Variants in ANKRD44 observed in about 807,000 individuals in gnomAD.
ANKRD44 encodes serine/threonine-protein phosphatase 6 regulatory ankyrin repeat subunit B.
Under a neutral mutation model 116.0 loss-of-function variants are expected in ANKRD44, and 35 were observed. The ratio of observed to expected loss-of-function variants is 0.30; its 90% CI spans 0.23 to 0.40. The LOEUF is 0.40. Among genes scored for constraint, ANKRD44 ranks in the 10% least tolerant of loss-of-function variants. The probability of loss-of-function intolerance (pLI) is 1.00; values close to 1 mark genes in which losing one functional copy is unlikely to be tolerated. For synonymous variants in ANKRD44, 435 were observed against 461.8 expected, an observed-to-expected ratio of 0.94 and a Z score of 0.74; for missense variants, 1,014 against 1,242.6, an observed-to-expected ratio of 0.82 and a Z score of 2.77.
intron 21 of ANKRD44, among the ~76,000 whole-genome samples, chr2:196,974,023 C>T (rs1408545295): frequency 6.6e-6 from 1 of 151,778 alleles, no homozygotes; most frequent in Admixed American, 6.6e-5. Flanking sequence ...AAGTAGAAAT[C>T]AGTACGAGAT....
intron 1 of ANKRD44, among the ~76,000 whole-genome samples, chr2:197,302,897 C>A (rs1052341870): frequency 1.3e-5 from 2 of 152,196 alleles, no homozygotes; most frequent in Non-Finnish European, 2.9e-5. Context: ...CCTGGGAGGA[C>A]CCAAGGTATT....
intron 27 of ANKRD44, 119 bp from the exon 28 acceptor site, chr2:196,989,768 CTTTT>C: frequency 1.3e-6 from 2 of 1,492,598 alleles, no homozygotes; most frequent in South Asian, 1.3e-5. Flanking sequence ...TTTTTTGTTC[CTTTT>C]TGCAGTCACA....
intron 1 of ANKRD44, among the ~76,000 whole-genome samples, chr2:197,231,970 G>GTGGA (rs1318161337): frequency 6.6e-6 from 1 of 152,198 alleles, no homozygotes; most frequent in Non-Finnish European, 1.5e-5. Flanking sequence ...TGTCGAATAA[G>GTGGA]TGGATGGATG....
intron 1 of ANKRD44, among the ~76,000 whole-genome samples, chr2:197,206,255 C>A (rs1169605807): frequency 6.6e-6 from 1 of 152,130 alleles, no homozygotes; most frequent in Admixed American, 6.5e-5. Flanking sequence ...ATTACAGAGC[C>A]CTTCTTATGT....
intron 16 of ANKRD44, among the ~76,000 whole-genome samples, chr2:197,056,331 A>G (rs1437872): frequency 0.72 from 109,597 of 152,010 alleles, 40,920 homozygotes; most frequent in East Asian, 0.86. Flanking sequence ...AATGAGTTTC[A>G]GAAGAGTTGT....
rs750544648 is a variant in ANKRD44 at position 197,120,929 on chromosome 2, C to CTT, written c.906+401_906+402dup. Among the ~76,000 whole-genome samples the CTT allele has an allele frequency of 2.5e-4, 35 of 139,946 alleles. 3 individuals are homozygous for CTT. Among genetic ancestry groups the CTT allele is most frequent in the African/African-American group, 3.3e-4 (12 of 36,726 alleles). The allele number at this position is 139,946 out of a possible 152,430, so 91.8% of individuals were successfully genotyped here. On this transcript the variant is annotated intron_variant, in intron 8 of 27. Transcript: ENST00000282272. ...CCACTCCTGAAGAAAAATAACACAA[C>CTT]TTTTTTTTTTTTGTTTTTGAGACGG... is the stretch of plus-strand genomic sequence containing the variant.
At chr2:197,186,926 C>A in intron 2 of ANKRD44, 97 bp downstream of exon 2, 1 of 929,232 alleles carries the variant, frequency 1.1e-6, no homozygotes, top group Non-Finnish European at 1.7e-6. Context: ...CTGGAGCTTT[C>A]ACCAGATATC....
chr2:197,076,707 C>A (rs1183110145), intron 16 of ANKRD44, among the ~76,000 whole-genome samples: 1 of 152,132 alleles, frequency 6.6e-6, no homozygotes, highest in African/African-American at 2.4e-5. Context: ...TCTTTGTGTC[C>A]ATGTGTTCTC....
intron 2 of ANKRD44, among the ~76,000 whole-genome samples, chr2:197,173,732 C>T (rs1047718910): frequency 2.6e-5 from 4 of 151,816 alleles, no homozygotes; most frequent in African/African-American, 9.7e-5. Flanking sequence ...AAATTCATTC[C>T]CTAAAAATAC....
chr2:197,082,243 G>A (rs1184419144), intron 14 of ANKRD44, among the ~76,000 whole-genome samples: 1 of 152,172 alleles, frequency 6.6e-6, no homozygotes, highest in Non-Finnish European at 1.5e-5. Context: ...ATTGCCTGGA[G>A]CTTGGCACAT....
At chr2:197,251,184 C>CT (rs906794734) in intron 1 of ANKRD44, among the ~76,000 whole-genome samples, 3 of 151,992 alleles carry the variant, frequency 2.0e-5, no homozygotes, top group Non-Finnish European at 4.4e-5. Flanking sequence ...TTTTACTATG[C>CT]TTTTTTCCAA....
intron 1 of ANKRD44, among the ~76,000 whole-genome samples, chr2:197,193,046 T>C (rs1285197957): frequency 2.0e-5 from 3 of 152,198 alleles, no homozygotes; most frequent in Admixed American, 6.5e-5. Context: ...AAGTAGCATA[T>C]TTGTTAACTC....
intron 13 of ANKRD44, among the ~76,000 whole-genome samples, chr2:197,083,931 T>C (rs539931998): frequency 6.6e-6 from 1 of 152,284 alleles, no homozygotes; most frequent in South Asian, 2.1e-4. Flanking sequence ...TTCTTTTCCT[T>C]CCTAGAGCCT....
chr2:197,276,076 G>C (rs549081201), intron 1 of ANKRD44, among the ~76,000 whole-genome samples: 1 of 152,084 alleles, frequency 6.6e-6, no homozygotes, highest in East Asian at 1.9e-4. Flanking sequence ...AGGAGTTCGA[G>C]ACCAGCCTGG....
intron 1 of ANKRD44, among the ~76,000 whole-genome samples, chr2:197,190,822 C>A (rs538664476): frequency 6.6e-6 from 1 of 152,302 alleles, no homozygotes; most frequent in African/African-American, 2.4e-5. Flanking sequence ...GGCTTAGAAG[C>A]AAAGTCCTAC....
At chr2:197,224,786 A>G (rs1054101799) in intron 1 of ANKRD44, among the ~76,000 whole-genome samples, 1 of 152,210 alleles carries the variant, frequency 6.6e-6, no homozygotes, top group African/African-American at 2.4e-5. Flanking sequence ...GATGATAAAC[A>G]TTGGTTGTTT....
intron 2 of ANKRD44, among the ~76,000 whole-genome samples, chr2:197,186,612 C>CTTTCTTTTT (rs2080671746): frequency 2.0e-5 from 1 of 50,786 alleles, no homozygotes; most frequent in East Asian, 1.1e-3. Flanking sequence ...GCTAATTTTT[C>CTTTCTTTTT]TTTTTTTTTT....
At chr2:196,970,406 G>A (rs977115703) in intron 21 of ANKRD44, among the ~76,000 whole-genome samples, 1 of 152,140 alleles carries the variant, frequency 6.6e-6, no homozygotes, top group African/African-American at 2.4e-5. Flanking sequence ...GTTGAAGGAA[G>A]CTTTAAGCTG....
chr2:197,267,644 G>A (rs1035862695), intron 1 of ANKRD44, among the ~76,000 whole-genome samples: 1 of 152,218 alleles, frequency 6.6e-6, no homozygotes, highest in Non-Finnish European at 1.5e-5. Flanking sequence ...GTGGTACTAA[G>A]AGGCACTTGC....
Sources: allele counts gnomAD v4.1 joint callset (sites outside exome capture counted in the v4.1 genomes callset), GRCh38; gene constraint gnomAD v4.1.1; transcripts MANE v1.5; gene names NCBI Gene and HGNC (gene_info 2026-07-23, HGNC 2026-07-21).